Variants in LRP1B observed in about 807,000 individuals in gnomAD.
The protein encoded by LRP1B is LDL receptor related protein 1B.
A neutral mutation model predicts 556.6 loss-of-function variants in LRP1B; 217 were observed. The ratio of observed to expected loss-of-function variants is 0.39; its 90% confidence interval spans 0.35 to 0.44. LRP1B has a LOEUF of 0.44. Among genes scored for constraint, LRP1B ranks in the 20% least tolerant of loss-of-function variants. The pLI is 1.00. For synonymous variants in LRP1B, 2,047 were observed against 1,865.8 expected, an observed-to-expected ratio of 1.10 and a Z score of -2.50; for missense variants, 5,053 against 5,620.8, an observed-to-expected ratio of 0.90 and a Z score of 3.23.
chr2:141,299,992 G>C (rs1686325916), intron 3 of LRP1B, among the ~76,000 whole-genome samples: 1 of 152,156 alleles, frequency 6.6e-6, no homozygotes, highest in South Asian at 2.1e-4. Flanking sequence ...TTTATGTCTT[G>C]AGGGTGAAGC....
At chr2:141,929,872 A>G (rs1396716955) in intron 1 of LRP1B, among the ~76,000 whole-genome samples, 1 of 132,266 alleles carries the variant, frequency 7.6e-6, no homozygotes, top group Non-Finnish European at 1.5e-5. Flanking sequence ...TCTGCTTTCC[A>G]GATGCCTACA....
At chr2:142,072,105 T>C (rs1256623491) in intron 1 of LRP1B, among the ~76,000 whole-genome samples, 6 of 151,950 alleles carry the variant, frequency 3.9e-5, no homozygotes, top group Admixed American at 3.9e-4. Context: ...CTCTGATCTG[T>C]AACTGCACAG....
chr2:140,669,663 A>G (rs145748049), intron 41 of LRP1B, among the ~76,000 whole-genome samples: 106 of 152,262 alleles, frequency 7.0e-4, no homozygotes, highest in African/African-American at 2.0e-3. Context: ...TTTTTTATAC[A>G]GAAGAAATTG....
At chr2:140,526,477 A>G in intron 47 of LRP1B, 127 bp from the exon 48 acceptor site, 1 of 614,178 alleles carries the variant, frequency 1.6e-6, no homozygotes, top group South Asian at 2.0e-5. Context: ...TGGGAAGCCA[A>G]ACTTGACCCC....
intron 83 of LRP1B, among the ~76,000 whole-genome samples, chr2:140,300,550 AAG>A (rs1683779285): frequency 1.3e-5 from 2 of 152,156 alleles, no homozygotes; most frequent in African/African-American, 4.8e-5. Flanking sequence ...CACAATATGA[AAG>A]AACATCAGTT....
intron 21 of LRP1B, among the ~76,000 whole-genome samples, chr2:140,914,225 C>T (rs1694508544): frequency 2.0e-5 from 3 of 151,896 alleles, no homozygotes; most frequent in Admixed American, 2.0e-4. Context: ...CACAGTTGGC[C>T]ACACAAGGAT....
At chr2:140,564,892 C>T (rs1297795077) in intron 43 of LRP1B, among the ~76,000 whole-genome samples, 1 of 151,976 alleles carries the variant, frequency 6.6e-6, no homozygotes, top group African/African-American at 2.4e-5. Flanking sequence ...TAACTTAAAG[C>T]CACTCTTGTT....
At chr2:140,569,151 G>A (rs1055334551) in intron 43 of LRP1B, among the ~76,000 whole-genome samples, 3 of 151,526 alleles carry the variant, frequency 2.0e-5, no homozygotes, top group Non-Finnish European at 2.9e-5. Context: ...AATAAGAGGT[G>A]GATAAAGGAA....
chr2:140,416,921 A>G (rs1191131496), intron 66 of LRP1B, among the ~76,000 whole-genome samples: 1 of 152,218 alleles, frequency 6.6e-6, no homozygotes, highest in Non-Finnish European at 1.5e-5. Flanking sequence ...AACAAAGGTC[A>G]TCTGAGAGCT....
intron 54 of LRP1B, among the ~76,000 whole-genome samples, chr2:140,502,305 A>C (rs1190813229): frequency 1.3e-5 from 2 of 152,004 alleles, no homozygotes; most frequent in African/African-American, 4.8e-5. Context: ...CTGGAAATAT[A>C]ACATTGACAT....
In LRP1B at chr2:140,502,993, C is replaced by T. The variant is rs1375602720; in HGVS notation, c.8632G>A (p.Ala2878Thr). The T allele has an allele frequency of 6.2e-7, 1 of 1,613,180 alleles. No homozygotes were observed. Among genetic ancestry groups the T allele is most frequent in the Non-Finnish European group, 8.5e-7 (1 of 1,179,302 alleles). The change falls in exon 54 of 91, where the codon GCA becomes ACA. Residue 2878 changes from alanine (A) to threonine (T), a missense_variant. Ala to Thr is a moderately conservative substitution (Grantham distance 58). Transcript: ENST00000389484. Reference protein sequence around the residue: ...DFDCPDHSDEAPLNPKCKSAE... With the variant: ...DFDCPDHSDETPLNPKCKSAE... Reference sequence around the variant, plus strand: ...CTTTTACACTTTGGGTTTAAAGGTGCTTCATCAGAATGGTCAGGACAGTCA... The same window carrying T: ...CTTTTACACTTTGGGTTTAAAGGTGTTTCATCAGAATGGTCAGGACAGTCA...
intron 41 of LRP1B, among the ~76,000 whole-genome samples, chr2:140,664,284 T>G (rs1174608874): frequency 1.3e-5 from 2 of 152,178 alleles, no homozygotes; most frequent in Non-Finnish European, 2.9e-5. Flanking sequence ...AATGCAAGAT[T>G]GCCATGACCT....
At chr2:141,101,769 G>A (rs868323419) in intron 7 of LRP1B, among the ~76,000 whole-genome samples, 8 of 151,978 alleles carry the variant, frequency 5.3e-5, no homozygotes, top group East Asian at 1.9e-4. Flanking sequence ...GTAAACCCAC[G>A]GCATTAATAA....
intron 3 of LRP1B, among the ~76,000 whole-genome samples, chr2:141,341,646 A>C (rs1245973019): frequency 6.6e-6 from 1 of 152,200 alleles, no homozygotes; most frequent in African/African-American, 2.4e-5. Flanking sequence ...CCTTGTACTT[A>C]AGTAGGGACC....
chr2:140,604,699 A>C (rs1682803293), intron 41 of LRP1B, among the ~76,000 whole-genome samples: 1 of 152,106 alleles, frequency 6.6e-6, no homozygotes. Flanking sequence ...CCAGTTGCAA[A>C]GTGGTTTGGA....
chr2:140,437,123 C>A (rs17387299), intron 66 of LRP1B, among the ~76,000 whole-genome samples: 47,250 of 151,760 alleles, frequency 0.31, 7,849 homozygotes, highest in Non-Finnish European at 0.34. Flanking sequence ...TTGAAGAGAG[C>A]GAAACCCACA....
At chr2:140,895,696 G>A (rs1479097821) in intron 23 of LRP1B, among the ~76,000 whole-genome samples, 2 of 152,130 alleles carry the variant, frequency 1.3e-5, no homozygotes, top group African/African-American at 4.8e-5. Flanking sequence ...GGTAAATGCA[G>A]GGGATTTTAT....
intron 3 of LRP1B, among the ~76,000 whole-genome samples, chr2:141,436,752 T>A (rs1680780473): frequency 6.6e-6 from 1 of 152,190 alleles, no homozygotes; most frequent in African/African-American, 2.4e-5. Context: ...ATTGTTTTAG[T>A]TTCTCTGAGG....
chr2:140,548,138 T>C (rs1332181241), intron 43 of LRP1B, among the ~76,000 whole-genome samples: 1 of 152,126 alleles, frequency 6.6e-6, no homozygotes, highest in East Asian at 1.9e-4. Context: ...CTTAAGATCA[T>C]TTAGGTAGGC....
Sources: gnomAD v4.1 joint callset for allele counts (sites outside exome capture counted in the v4.1 genomes callset) on GRCh38, gnomAD v4.1.1 for gene constraint, MANE v1.5 for transcripts, NCBI Gene and HGNC (gene_info 2026-07-23, HGNC 2026-07-21) for gene names.